Variants in RASD1 observed in about 807,000 individuals in gnomAD.
RASD1 encodes ras related dexamethasone induced 1, also known as dexamethasone-induced Ras-related protein 1.
RASD1 carries 13 observed loss-of-function variants against 16.7 expected under a neutral mutation model. The ratio of observed to expected loss-of-function variants is 0.78; its 90% CI spans 0.51 to 1.24. The LOEUF (loss-of-function observed/expected upper bound fraction) is 1.24, where lower values mean the gene tolerates loss of function less well. Among genes scored for constraint, RASD1 ranks in the 50% most tolerant of loss-of-function variants. RASD1 has a pLI of 0.00. For synonymous variants in RASD1, 170 were observed against 172.6 expected (o/e 0.98, Z 0.12); for missense variants, 397 against 407.5 (o/e 0.97, Z 0.22).
chr17:17,494,786 G>T lies in RASD1; in HGVS notation c.*339C>A, dbSNP rs1366604424. The T allele has an allele frequency of 3.6e-5, 13 of 361,228 alleles. No homozygotes were observed. The East Asian group carries it at 7.1e-4, about 20-fold the overall frequency. 22.4% of individuals were successfully genotyped at this position (361,228 alleles called of 1,614,324 possible). On this transcript the variant is annotated 3_prime_UTR_variant, in exon 2 of 2. Transcript: ENST00000225688. ...GTTTCTTGAAGCCTAGCAGAGGCTG[G>T]ATAACTTCACATCCCTCCCCCACCC...
intron 1 of RASD1, 33 bp downstream of exon 1, chr17:17,495,863 T>G (rs777036185): frequency 2.3e-5 from 26 of 1,112,816 alleles, no homozygotes; most frequent in Non-Finnish European, 3.0e-5. Flanking sequence ...TTCCCCGCCC[T>G]TCCCTCCCGC....
Position 17,495,190 on chromosome 17 carries a change from ACATGAGGT to A in RASD1, c.773_780del (p.Asp258ValfsTer123). On this transcript the variant is annotated frameshift_variant, in exon 2 of 2. Transcript: ENST00000225688. LOFTEE classifies it high-confidence loss of function. ...CCGGCGCTGGCCTTCTCGCGGATGTACATGAGGTCGCTGTGTACGCTGGGCCGGCGCGC... is the reference window on the plus strand; with the variant it reads ...CCGGCGCTGGCCTTCTCGCGGATGTACGCTGTGTACGCTGGGCCGGCGCGC... 1 of 1,611,736 alleles carries A rather than the reference ACATGAGGT, an allele frequency of 6.2e-7. No individual in the cohort carries two copies. The highest frequency in any genetic ancestry group is 1.1e-5 in the South Asian group (1 of 91,042).
In RASD1 at chr17:17,495,402, G is replaced by A. The variant is rs550575668; in HGVS notation, c.569C>T (p.Ala190Val). ...KNSSLDQMFR[A>V]LFAMAKLPSE... ...GGGCAGCTTGGCCATGGCGAAGAGC[G>A]CGCGGAACATCTGGTCCAGGCTGCT... The change falls in exon 2 of 2, where the codon GCG becomes GTG. Residue 190 changes from alanine (A) to valine (V), a missense_variant. Coordinates refer to ENST00000225688, the MANE Select transcript of RASD1 (RefSeq NM_016084.5). 3.1e-6 allele frequency: 5 copies of A among 1,603,730 alleles called. No homozygotes were observed. In the South Asian group the frequency reaches 3.4e-5, roughly 11 times the overall value.
Position 17,496,277 on chromosome 17 carries a change from G to A in RASD1, c.-96C>T, listed in dbSNP as rs1033195396. On this transcript the variant is annotated 5_prime_UTR_variant, in exon 1 of 2. Coordinates refer to ENST00000225688, the MANE Select transcript of RASD1 (RefSeq NM_016084.5). ...TGGCACGCGGGGTGAGCGGCTGGAG[G>A]GCTCTGCTCGGGCTGGGCGCGGCTC... 1.4e-5 allele frequency: 19 copies of A among 1,337,998 alleles called. No homozygotes were observed. The highest frequency in any genetic ancestry group is 5.3e-4 in the Middle Eastern group (2 of 3,782). 82.9% of individuals were successfully genotyped at this position (1,337,998 alleles called of 1,614,324 possible).
At chr17:17,495,829 C>T in intron 1 of RASD1, 67 bp downstream of exon 1, 1 of 1,496,458 alleles carries the variant, frequency 6.7e-7, no homozygotes, top group African/African-American at 1.4e-5. Context: ...CGGACCGGCG[C>T]TCGCGGGGCG....
At chr17:17,495,867 C>G (rs1171553625) in intron 1 of RASD1, 29 bp downstream of exon 1, 2 of 1,581,664 alleles carry the variant, frequency 1.3e-6, no homozygotes, top group African/African-American at 2.7e-5. Flanking sequence ...CCGCCCTTCC[C>G]TCCCGCACCT....
chr17:17,496,104 G>C lies in RASD1; in HGVS notation c.78C>G (p.Arg26=). The C allele has an allele frequency of 6.2e-7, 1 of 1,614,098 alleles. No homozygotes were observed. ...ELSIPAKNCY[R]MVILGSSKVG... is the part of the protein sequence containing the mutation. ...CCTTGGACGAGCCGAGGATGACCAT[G>C]CGATAGCAGTTCTTGGCCGGGATAC... is the stretch of plus-strand genomic sequence containing the variant. The change falls in exon 1 of 2, where the codon CGC becomes CGG. Residue 26 remains arginine (R), a synonymous_variant. Coordinates refer to ENST00000225688, the MANE Select transcript of RASD1 (RefSeq NM_016084.5).
In RASD1 at chr17:17,495,141, C is replaced by T; in HGVS notation, c.830G>A (p.Arg277His). The T allele has an allele frequency of 6.2e-7, 1 of 1,611,290 alleles. No individual in the cohort carries two copies. Among genetic ancestry groups the T allele is most frequent in the Non-Finnish European group, 8.5e-7 (1 of 1,179,620 alleles). ...GCGGGGCTCCTAGCTGATGACGCAG[C>T]GCTCCTTGTCCTTGGCCTGGCTGCC... ...SAGSQAKDKE[R>H]CVIS is the part of the protein sequence containing the mutation. Residue 277 changes from arginine to histidine, a missense_variant, in exon 2 of 2, where the codon CGC becomes CAC. By Grantham distance (29) the Arg-to-His change is conservative (BLOSUM62 0). Transcript: ENST00000225688.
In RASD1 at chr17:17,495,157, C is replaced by T; in HGVS notation, c.814G>A (p.Ala272Thr). 1 of 1,611,738 alleles carries T rather than the reference C, an allele frequency of 6.2e-7. No individual in the cohort carries two copies. The highest frequency in any genetic ancestry group is 1.7e-5 in the Admixed American group (1 of 60,006). ...IREKASAGSQ[A>T]KDKERCVIS Reference sequence around the variant, plus strand: ...ATGACGCAGCGCTCCTTGTCCTTGGCCTGGCTGCCGGCGCTGGCCTTCTCG... The same window carrying T: ...ATGACGCAGCGCTCCTTGTCCTTGGTCTGGCTGCCGGCGCTGGCCTTCTCG... Residue 272 changes from alanine (A) to threonine (T), a missense_variant, in exon 2 of 2, where the codon GCC (alanine) becomes ACC (threonine). Coordinates refer to ENST00000225688, the MANE Select transcript of RASD1 (RefSeq NM_016084.5).
chr17:17,495,362 TG>T lies in RASD1; in HGVS notation c.608del (p.Pro203GlnfsTer129). On this transcript the variant is annotated frameshift_variant, in exon 2 of 2. Transcript: ENST00000225688. LOFTEE classifies it high-confidence loss of function. ...GCACCGAGACCTTGCGGTGCAGGTC[TG>T]GGCTCATCTCGCTGGGCAGCTTGGC... ...AMAKLPSEMS[P>X]DLHRKVSVQY... 3 of 1,585,748 alleles carry T rather than the reference TG, an allele frequency of 1.9e-6. No individual in the cohort carries two copies. The highest frequency in any genetic ancestry group is 2.6e-6 in the Non-Finnish European group (3 of 1,166,082).
In RASD1 at chr17:17,496,298, G is replaced by T; in HGVS notation, c.-117C>A. 8.4e-7 allele frequency: 1 copy of T among 1,185,808 alleles called. No homozygotes were observed. The highest frequency in any genetic ancestry group is 1.1e-6 in the Non-Finnish European group (1 of 874,528). 73.5% of individuals were successfully genotyped at this position (1,185,808 alleles called of 1,614,324 possible). On this transcript the variant is annotated 5_prime_UTR_variant, in exon 1 of 2. Coordinates refer to ENST00000225688, the MANE Select transcript of RASD1 (RefSeq NM_016084.5). ...GGAGGGCTCTGCTCGGGCTGGGCGC[G>T]GCTCGGGCTTGGGGCTCCGGCTCCG...
Position 17,494,848 on chromosome 17 carries a change from C to T in RASD1, c.*277G>A. ...TTAGGTCTTTGAGAAGATAAATCCA[C>T]CCTCGGCTGGGCCCTCGCTCCCAAA... On this transcript the variant is annotated 3_prime_UTR_variant, in exon 2 of 2. Coordinates refer to ENST00000225688, the MANE Select transcript of RASD1 (RefSeq NM_016084.5). The T allele has an allele frequency of 1.8e-6, 1 of 546,930 alleles. No homozygotes were observed. Among genetic ancestry groups the T allele is most frequent in the Non-Finnish European group, 3.2e-6 (1 of 312,284 alleles). The allele number at this position is 546,930 out of a possible 1,614,324, so 33.9% of individuals were successfully genotyped here.
chr17:17,495,765 G>A (rs1427523510), intron 1 of RASD1, 81 bp from the exon 2 acceptor site: 5 of 1,469,140 alleles, frequency 3.4e-6, no homozygotes, highest in Non-Finnish European at 4.5e-6. Context: ...TTGAGGCCGC[G>A]CGGGGCGCGC....
In RASD1 at chr17:17,495,103, T is replaced by G. The variant is rs756620260; in HGVS notation, c.*22A>C. ...TAACAAAAAGGTCCTCCTTAGGTTG[T>G]GTCGCCAGCGCGGCGGGGCTCCTAG... On this transcript the variant is annotated 3_prime_UTR_variant, in exon 2 of 2. Coordinates refer to ENST00000225688, the MANE Select transcript of RASD1 (RefSeq NM_016084.5). The G allele has an allele frequency of 2.5e-6, 4 of 1,609,562 alleles. No homozygotes were observed. The highest frequency in any genetic ancestry group is 1.7e-5 in the Admixed American group (1 of 59,732).
In RASD1 at chr17:17,495,062, G is replaced by A; in HGVS notation, c.*63C>T. Reference sequence around the variant, plus strand: ...GCGCTCCCGGCCTGGGGCGCACCGGGCCGTTGGATTTGACTTAACAAAAAG... The same window carrying A: ...GCGCTCCCGGCCTGGGGCGCACCGGACCGTTGGATTTGACTTAACAAAAAG... On this transcript the variant is annotated 3_prime_UTR_variant, in exon 2 of 2. Transcript: ENST00000225688. 1.9e-6 allele frequency: 3 copies of A among 1,575,510 alleles called. No homozygotes were observed. The highest frequency in any genetic ancestry group is 8.6e-7 in the Non-Finnish European group (1 of 1,161,692).
chr17:17,495,060 G>A lies in RASD1; in HGVS notation c.*65C>T, dbSNP rs1449183478. 5.7e-6 allele frequency: 9 copies of A among 1,571,550 alleles called. No individual in the cohort carries two copies. The highest frequency in any genetic ancestry group is 6.0e-6 in the Non-Finnish European group (7 of 1,159,004). ...GCGCGCTCCCGGCCTGGGGCGCACC[G>A]GGCCGTTGGATTTGACTTAACAAAA... On this transcript the variant is annotated 3_prime_UTR_variant, in exon 2 of 2. Transcript: ENST00000225688.
chr17:17,495,804 T>A, intron 1 of RASD1, 92 bp downstream of exon 1: 1 of 1,473,932 alleles, frequency 6.8e-7, no homozygotes, highest in Non-Finnish European at 9.0e-7. Flanking sequence ...AGCGCACTAC[T>A]CGGCGCGCGG....
In RASD1 at chr17:17,495,464, C is replaced by G. The variant is rs751913464; in HGVS notation, c.507G>C (p.Gln169His). The G allele has an allele frequency of 1.2e-6, 2 of 1,609,352 alleles. No homozygotes were observed. Among genetic ancestry groups the G allele is most frequent in the Non-Finnish European group, 1.7e-6 (2 of 1,178,058 alleles). ...CCGAGATCTCGAAGTAGGCGCAGCG[C>G]TGGGGGTCGTCGCCCACCAGCTGCT... ...EIEQLVGDDP[Q>H]RCAYFEISAK... The change falls in exon 2 of 2, where the codon CAG becomes CAC. Residue 169 changes from glutamine to histidine, a missense_variant. Physicochemically the swap from Gln to His is conservative, Grantham distance 24. Coordinates refer to ENST00000225688, the MANE Select transcript of RASD1 (RefSeq NM_016084.5).
Position 17,494,632 on chromosome 17 carries a change from T to A in RASD1, c.*493A>T, listed in dbSNP as rs1905343421. The stretch of plus-strand genomic sequence containing the variant: ...TTCACTCACATGTAAACAAGTCACT[T>A]GGCTATGATTTGACCCACGCCCCCC... On this transcript the variant is annotated 3_prime_UTR_variant, in exon 2 of 2. Transcript: ENST00000225688. The A allele has an allele frequency of 5.6e-6, 1 of 178,104 alleles. No homozygotes were observed. Among genetic ancestry groups the A allele is most frequent in the Admixed American group, 5.8e-5 (1 of 17,390 alleles). 11.0% of individuals were successfully genotyped at this position (178,104 alleles called of 1,614,324 possible). A position where few individuals can be genotyped will look rare whatever the true frequency, so the allele number is the denominator to read the frequency against.
Sources: allele counts gnomAD v4.1 joint callset, GRCh38; gene constraint gnomAD v4.1.1; transcripts MANE v1.5; gene names NCBI Gene and HGNC (gene_info 2026-07-23, HGNC 2026-07-21).